Variants in CACNA2D1 observed in about 807,000 individuals in gnomAD.
The protein encoded by CACNA2D1 is voltage-dependent calcium channel subunit alpha-2/delta-1.
CACNA2D1 carries 53 observed loss-of-function variants against 171.5 expected under a neutral mutation model. The observed-to-expected ratio is 0.31, with a 90% CI of 0.25 to 0.39. The LOEUF is 0.39. CACNA2D1 is among the 10% of genes least tolerant of loss of function. The probability of loss-of-function intolerance (pLI) is 1.00; values close to 1 mark genes in which losing one functional copy is unlikely to be tolerated. For synonymous variants in CACNA2D1, 442 were observed against 443.1 expected (o/e 1.00, Z 0.03); for missense variants, 903 against 1,299.8 (o/e 0.69, Z 4.69).
intron 3 of CACNA2D1, among the ~76,000 whole-genome samples, chr7:82,197,781 T>C (rs992782203): frequency 2.0e-5 from 3 of 150,570 alleles, no homozygotes; most frequent in African/African-American, 7.3e-5. Flanking sequence ...ATATATTTTC[T>C]CCTTCTAATG....
chr7:81,995,000 C>T, intron 19 of CACNA2D1, 61 bp from the exon 20 acceptor site: 1 of 813,622 alleles, frequency 1.2e-6, no homozygotes, highest in Admixed American at 1.7e-5. Context: ...CAAAATATGA[C>T]TATTAACATG....
intron 1 of CACNA2D1, among the ~76,000 whole-genome samples, chr7:82,433,150 T>A (rs974504359): frequency 2.0e-5 from 3 of 150,720 alleles, no homozygotes; most frequent in Admixed American, 2.0e-4. Flanking sequence ...ATCACACCAC[T>A]GCACTCCAGC....
At chr7:82,067,553 A>G (rs187884900) in intron 7 of CACNA2D1, among the ~76,000 whole-genome samples, 2 of 152,300 alleles carry the variant, frequency 1.3e-5, no homozygotes, top group Admixed American at 1.3e-4. Context: ...ATATTAAAAA[A>G]TGATTTATTT....
chr7:82,198,089 C>A (rs969238059), intron 3 of CACNA2D1, among the ~76,000 whole-genome samples: 1 of 151,194 alleles, frequency 6.6e-6, no homozygotes, highest in Non-Finnish European at 1.5e-5. Flanking sequence ...ATTTCTATAC[C>A]CCCAGTATAA....
intron 3 of CACNA2D1, among the ~76,000 whole-genome samples, chr7:82,251,805 G>A (rs1265851753): frequency 6.6e-6 from 1 of 152,164 alleles, no homozygotes; most frequent in Non-Finnish European, 1.5e-5. Context: ...TACATAGCTT[G>A]GAAGGAGCAG....
chr7:82,167,922 A>T (rs934669278), intron 4 of CACNA2D1, among the ~76,000 whole-genome samples: 7 of 152,012 alleles, frequency 4.6e-5, no homozygotes, highest in African/African-American at 1.7e-4. Flanking sequence ...CAAATAATTC[A>T]TTTTCTATTT....
intron 3 of CACNA2D1, among the ~76,000 whole-genome samples, chr7:82,304,620 C>T (rs1010321671): frequency 1.6e-4 from 24 of 152,224 alleles, no homozygotes; most frequent in Middle Eastern, 3.4e-3. Flanking sequence ...ACAAATATCA[C>T]ATGTTCTCAT....
At chr7:82,099,531 G>A (rs1327146960) in intron 6 of CACNA2D1, among the ~76,000 whole-genome samples, 4 of 56,518 alleles carry the variant, frequency 7.1e-5, no homozygotes, top group South Asian at 5.8e-4. Flanking sequence ...CTCACTGCAA[G>A]CTCCGCCTCC....
At chr7:82,032,068 A>C (rs1802764747) in intron 12 of CACNA2D1, among the ~76,000 whole-genome samples, 1 of 152,006 alleles carries the variant, frequency 6.6e-6, no homozygotes, top group Non-Finnish European at 1.5e-5. Context: ...AAATTGAAAT[A>C]AGCTGATAAT....
At chr7:82,380,693 T>C (rs1379875515) in intron 1 of CACNA2D1, among the ~76,000 whole-genome samples, 1 of 152,080 alleles carries the variant, frequency 6.6e-6, no homozygotes, top group Non-Finnish European at 1.5e-5. Context: ...ACTGTGTATG[T>C]GTATGTGTGT....
rs1981605 is a variant in CACNA2D1, at chr7:82,309,514, G to C, written c.294+25621C>G. Among the ~76,000 whole-genome samples the C allele has an allele frequency of 5.5e-3, 837 of 152,174 alleles. 4 individuals are homozygous for C. Among genetic ancestry groups the C allele is most frequent in the Admixed American group, 0.01 (159 of 15,280 alleles). Reference sequence around the variant, plus strand: ...GTTAGCCAGGTAATTTAAGGTGTCTGAGCTACAATTTTTAAGGCCATGAAA... The same window carrying C: ...GTTAGCCAGGTAATTTAAGGTGTCTCAGCTACAATTTTTAAGGCCATGAAA... On this transcript the variant is annotated intron_variant, in intron 3 of 38. Transcript: ENST00000356860.
At chr7:82,435,649 T>A (rs993479831) in intron 1 of CACNA2D1, among the ~76,000 whole-genome samples, 2 of 152,218 alleles carry the variant, frequency 1.3e-5, no homozygotes, top group African/African-American at 4.8e-5. Context: ...GTTCAGTGAA[T>A]GCTGCAATGG....
intron 1 of CACNA2D1, among the ~76,000 whole-genome samples, chr7:82,355,889 C>A (rs1482614061): frequency 6.6e-6 from 1 of 152,046 alleles, no homozygotes; most frequent in Non-Finnish European, 1.5e-5. Flanking sequence ...ACCATTTGAT[C>A]ATTTCATCCA....
intron 3 of CACNA2D1, among the ~76,000 whole-genome samples, chr7:82,198,092 C>G (rs534653165): frequency 1.3e-5 from 2 of 150,778 alleles, no homozygotes; most frequent in Middle Eastern, 6.8e-3. Context: ...TCTATACCCC[C>G]AGTATAAAAC....
chr7:82,149,905 C>A lies in CACNA2D1; in HGVS notation c.355-13229G>T, dbSNP rs529949208. ...CCGGGAGGCGGAGCTTGCAGTCAGC[C>A]GAGATCGCGCCACTGCACTCCAGCC... On this transcript the variant is annotated intron_variant, in intron 4 of 38. Transcript: ENST00000356860. Among the ~76,000 whole-genome samples the A allele has an allele frequency of 7.0e-4, 107 of 151,808 alleles. 1 individual carries two copies. The highest frequency in any genetic ancestry group is 1.3e-3 in the Non-Finnish European group (90 of 67,940).
chr7:82,254,783 T>C (rs1251283931), intron 3 of CACNA2D1, among the ~76,000 whole-genome samples: 1 of 152,166 alleles, frequency 6.6e-6, no homozygotes, highest in Non-Finnish European at 1.5e-5. Flanking sequence ...CTATCATTCA[T>C]CTTTTTGCTC....
intron 3 of CACNA2D1, among the ~76,000 whole-genome samples, chr7:82,194,533 A>C (rs1798660902): frequency 6.6e-6 from 1 of 151,910 alleles, no homozygotes; most frequent in Non-Finnish European, 1.5e-5. Flanking sequence ...CACTTTTTTT[A>C]ATGAATAATA....
In CACNA2D1 at chr7:82,265,673, A is replaced by G. The variant is rs895452690; in HGVS notation, c.294+69462T>C. On this transcript the variant is annotated intron_variant, in intron 3 of 38. Transcript: ENST00000356860. ...GAAAATCTATCGGACTTTATACAGA[A>G]GTATTATTTAGCTGTCTCGAAGATG... is the stretch of plus-strand genomic sequence containing the variant. 8.5e-5 allele frequency among the ~76,000 whole-genome samples: 13 copies of G among 152,120 alleles called. No individual in the cohort carries two copies. In the East Asian group the frequency reaches 2.5e-3, roughly 30 times the overall value.
At chr7:81,976,463 T>C (rs1795852532) in intron 24 of CACNA2D1, among the ~76,000 whole-genome samples, 1 of 152,312 alleles carries the variant, frequency 6.6e-6, no homozygotes, top group Non-Finnish European at 1.5e-5. Flanking sequence ...TTCACACACA[T>C]CCCTTTTAAG....
Sources: gnomAD v4.1 joint callset for allele counts (sites outside exome capture counted in the v4.1 genomes callset) on GRCh38, gnomAD v4.1.1 for gene constraint, MANE v1.5 for transcripts, NCBI Gene and HGNC (gene_info 2026-07-23, HGNC 2026-07-21) for gene names.